The following DOCK1 variants were observed in gnomAD, a reference collection of about 807,000 sequenced individuals.
DOCK1 encodes the protein dedicator of cytokinesis protein 1.
Under a neutral mutation model 262.7 loss-of-function variants are expected in DOCK1, and 138 were observed. That is an observed-to-expected ratio of 0.53 (90% CI 0.46 to 0.61). The LOEUF is 0.61. Ranked by LOEUF, DOCK1 falls within the 20% of genes least tolerant of loss-of-function variation. DOCK1 has a pLI of 0.00. For missense variants in DOCK1, 1,908 were observed against 2,370.7 expected, an observed-to-expected ratio of 0.80 and a Z score of 4.05; for synonymous variants, 866 against 867.4, an observed-to-expected ratio of 1.00 and a Z score of 0.03.
At chr10:127,389,568 C>T (rs959460089) in intron 38 of DOCK1, among the ~76,000 whole-genome samples, 1 of 152,154 alleles carries the variant, frequency 6.6e-6, no homozygotes, top group Non-Finnish European at 1.5e-5. Flanking sequence ...GATATGGTTT[C>T]GATCTGGGTC....
At position 126,990,503 on chromosome 10, in the gene DOCK1, C is replaced by T. The variant is rs1271767610; in HGVS notation, c.373C>T (p.Leu125Phe). The change falls in exon 6 of 52, where the codon CTT becomes TTT. Residue 125 changes from leucine (L) to phenylalanine (F), a missense_variant. This residue lies in a region of DOCK1 where 227 missense variants were observed against 254.1 expected (regional missense o/e 0.89). Coordinates refer to ENST00000623213, the MANE Select transcript of DOCK1 (RefSeq NM_001290223.2). ...AAGTGTGCGGCACATGATCTATGAC[C>T]TTATTGAATGGCGATCACAAATTCT... Reference protein sequence around the residue: ...FRSVRHMIYDLIEWRSQILSG... With the variant: ...FRSVRHMIYDFIEWRSQILSG... 6.2e-7 allele frequency: 1 copy of T among 1,613,416 alleles called. No homozygotes were observed. The highest frequency in any genetic ancestry group is 1.1e-5 in the South Asian group (1 of 90,880).
intron 11 of DOCK1, among the ~76,000 whole-genome samples, chr10:127,009,727 C>T (rs900236085): frequency 2.6e-5 from 4 of 152,098 alleles, no homozygotes; most frequent in Admixed American, 1.3e-4. Context: ...AGAAATTTTA[C>T]GGTTTTCAGC....
chr10:126,945,740 A>G (rs1379593801), intron 1 of DOCK1, among the ~76,000 whole-genome samples: 2 of 152,192 alleles, frequency 1.3e-5, no homozygotes, highest in African/African-American at 4.8e-5. Context: ...ACACGTGTTC[A>G]TGAATCCACT....
intron 10 of DOCK1, among the ~76,000 whole-genome samples, chr10:127,001,866 T>G (rs2040617876): frequency 6.6e-6 from 1 of 152,162 alleles, no homozygotes; most frequent in Non-Finnish European, 1.5e-5. Flanking sequence ...CATTTTCATC[T>G]TTCTGTCTTT....
chr10:127,084,681 A>C (rs1019173145), intron 23 of DOCK1, among the ~76,000 whole-genome samples: 23 of 152,176 alleles, frequency 1.5e-4, no homozygotes, highest in African/African-American at 5.1e-4. Flanking sequence ...TGGAGCTCAA[A>C]CTTCACAGGA....
chr10:126,998,359 T>C, intron 8 of DOCK1, 110 bp downstream of exon 8: 1 of 1,429,640 alleles, frequency 7.0e-7, no homozygotes, highest in Admixed American at 1.9e-5. Flanking sequence ...GATGAATGGC[T>C]GCTGGACACG....
At chr10:127,348,931 T>A (rs2063761074) in intron 31 of DOCK1, among the ~76,000 whole-genome samples, 1 of 152,212 alleles carries the variant, frequency 6.6e-6, no homozygotes, top group Non-Finnish European at 1.5e-5. Context: ...GTGCTCATTT[T>A]TTTCAAGAGA....
intron 1 of DOCK1, among the ~76,000 whole-genome samples, chr10:126,969,938 T>C (rs1352181772): frequency 6.6e-6 from 1 of 152,200 alleles, no homozygotes; most frequent in Non-Finnish European, 1.5e-5. Flanking sequence ...ATGAGTTTTA[T>C]ATTGAATGCT....
intron 33 of DOCK1, among the ~76,000 whole-genome samples, chr10:127,366,035 C>T (rs571764437): frequency 6.6e-6 from 1 of 152,198 alleles, no homozygotes; most frequent in East Asian, 1.9e-4. Flanking sequence ...ATGAAACATG[C>T]CGTGCTTGGA....
intron 27 of DOCK1, among the ~76,000 whole-genome samples, chr10:127,231,834 T>G (rs1337320491): frequency 1.3e-5 from 2 of 152,190 alleles, no homozygotes; most frequent in African/African-American, 4.8e-5. Context: ...GTGCATTCGC[T>G]CAGACATCTT....
At chr10:127,186,531 G>T (rs2056287185) in intron 27 of DOCK1, among the ~76,000 whole-genome samples, 1 of 30,956 alleles carries the variant, frequency 3.2e-5, no homozygotes, top group East Asian at 5.2e-4. Flanking sequence ...CCCCGATCCA[G>T]TTACCTCCAC....
At chr10:127,075,189 AAAAAAAAAAAGG>A (rs2046451166) in intron 23 of DOCK1, among the ~76,000 whole-genome samples, 1 of 151,096 alleles carries the variant, frequency 6.6e-6, no homozygotes, top group Non-Finnish European at 1.5e-5. Context: ...AAAAAAAAAA[AAAAAAAAAAAGG>A]AGAGTTGTTA....
chr10:127,012,204 G>C lies in DOCK1; in HGVS notation c.1059-28G>C. On this transcript the variant is annotated intron_variant, in intron 11 of 51. Coordinates refer to ENST00000623213, the MANE Select transcript of DOCK1 (RefSeq NM_001290223.2). This position sits in a 1 kb window ranked among gnomAD's most constrained non-coding sequence, Gnocchi z 4.0. ...GGGTCTCTGTGCCCCTTTGTCTCCT[G>C]TGGTCTTGGTCGTCCCGTGCCCTCC... 1 of 1,258,204 alleles carries C rather than the reference G, an allele frequency of 7.9e-7. No individual in the cohort carries two copies. The highest frequency in any genetic ancestry group is 1.2e-6 in the Non-Finnish European group (1 of 857,946). 77.9% of individuals were successfully genotyped at this position (1,258,204 alleles called of 1,614,324 possible).
At chr10:127,038,394 C>T (rs867791572) in intron 19 of DOCK1, among the ~76,000 whole-genome samples, 1 of 152,176 alleles carries the variant, frequency 6.6e-6, no homozygotes, top group African/African-American at 2.4e-5. Flanking sequence ...GTCCTCACTA[C>T]AGGACTCACA....
At chr10:127,412,308 A>T (rs2067905694) in intron 43 of DOCK1, among the ~76,000 whole-genome samples, 1 of 151,942 alleles carries the variant, frequency 6.6e-6, no homozygotes, top group South Asian at 2.1e-4. Flanking sequence ...TCATGGATTC[A>T]TTTGTATTTT....
intron 33 of DOCK1, among the ~76,000 whole-genome samples, chr10:127,362,955 GTGCA>G (rs1565027130): frequency 1.7e-3 from 10 of 5,904 alleles, no homozygotes; most frequent in East Asian, 6.8e-3. Context: ...ACATACACAT[GTGCA>G]TCCCCACATA....
At chr10:127,137,798 G>A in intron 27 of DOCK1, 1 of 1,572,662 alleles carries the variant, frequency 6.4e-7, no homozygotes, top group Non-Finnish European at 8.7e-7. Context: ...ACTCCAGTGG[G>A]TTCTAAAGAC....
chr10:127,147,615 C>T (rs1047847373), intron 27 of DOCK1, among the ~76,000 whole-genome samples: 1 of 152,130 alleles, frequency 6.6e-6, no homozygotes. Context: ...CTCCCAGTCT[C>T]CCAGGGCCTG....
chr10:127,176,237 G>A lies in DOCK1; in HGVS notation c.2847+48473G>A, dbSNP rs767609347. 9.9e-6 allele frequency: 16 copies of A among 1,613,934 alleles called. No individual in the cohort carries two copies. In the East Asian group the frequency reaches 1.1e-4, roughly 11 times the overall value. On this transcript the variant is annotated intron_variant, in intron 27 of 51. Coordinates refer to ENST00000623213, the MANE Select transcript of DOCK1 (RefSeq NM_001290223.2). This position sits in a 1 kb window ranked among gnomAD's most constrained non-coding sequence, Gnocchi z 4.4. ...TGTCCCTCTGCTCATTCTGTGCCTC[G>A]CAGATATCCTTAAACCGCACCTGCA...
Sources: allele counts gnomAD v4.1 joint callset (sites outside exome capture counted in the v4.1 genomes callset), GRCh38; gene constraint gnomAD v4.1.1; regional missense constraint gnomAD v4.1.1; non-coding constraint Gnocchi (gnomAD v3.1); transcripts MANE v1.5; gene names NCBI Gene and HGNC (gene_info 2026-07-23, HGNC 2026-07-21).